PTPRD: variants seen among roughly 807,000 people sequenced by gnomAD.
PTPRD encodes the protein receptor-type tyrosine-protein phosphatase delta.
A neutral mutation model predicts 214.5 loss-of-function variants in PTPRD; 34 were observed. That is an observed-to-expected ratio of 0.16 (90% CI 0.12 to 0.21). The LOEUF is 0.21. PTPRD is among the 10% of genes least tolerant of loss of function. The pLI, the probability that PTPRD is intolerant of heterozygous loss-of-function variation, is 1.00. For synonymous variants in PTPRD, 1,128 were observed against 845.7 expected, an observed-to-expected ratio of 1.33 and a Z score of -5.79; for missense variants, 2,545 against 2,398.7, an observed-to-expected ratio of 1.06 and a Z score of -1.27.
At position 8,315,824 on chromosome 9, in the gene PTPRD, T is replaced by G. The variant is rs932169074; in HGVS notation, c.*2050A>C. On this transcript the variant is annotated 3_prime_UTR_variant, in exon 46 of 46. Coordinates refer to ENST00000381196, the MANE Select transcript of PTPRD (RefSeq NM_002839.4). ...GTAGTATACTCATACCAAAACTCTTTAAGAGTTCCTTGGGTATTTTGAGGA... is the reference window on the plus strand; with the variant it reads ...GTAGTATACTCATACCAAAACTCTTGAAGAGTTCCTTGGGTATTTTGAGGA... The G allele has an allele frequency of 1.4e-4, 32 of 225,886 alleles. No homozygotes were observed. Among genetic ancestry groups the G allele is most frequent in the Non-Finnish European group, 2.0e-4 (23 of 113,416 alleles). The allele number at this position is 225,886 out of a possible 1,614,324, so 14.0% of individuals were successfully genotyped here. A position where few individuals can be genotyped will look rare whatever the true frequency, so the allele number is the denominator to read the frequency against.
chr9:10,468,129 G>A (rs1285371130), intron 2 of PTPRD, among the ~76,000 whole-genome samples: 3 of 152,150 alleles, frequency 2.0e-5, no homozygotes, highest in African/African-American at 7.2e-5. Flanking sequence ...AATACCATTT[G>A]ACCCAGCCAT....
chr9:8,963,844 G>A (rs1236533544), intron 11 of PTPRD, among the ~76,000 whole-genome samples: 1 of 151,998 alleles, frequency 6.6e-6, no homozygotes, highest in Non-Finnish European at 1.5e-5. Flanking sequence ...AAATTCCTGG[G>A]TTCAAGGAGT....
chr9:9,404,204 A>T (rs1467182755), intron 8 of PTPRD, among the ~76,000 whole-genome samples: 1 of 152,114 alleles, frequency 6.6e-6, no homozygotes, highest in East Asian at 1.9e-4. Context: ...ATGCAAAGTC[A>T]TTGGAGGGTT....
intron 10 of PTPRD, among the ~76,000 whole-genome samples, chr9:9,091,563 T>C (rs2099775933): frequency 6.6e-6 from 1 of 152,184 alleles, no homozygotes; most frequent in South Asian, 2.1e-4. Flanking sequence ...AAACTCCTTT[T>C]CATAGTAATA....
At chr9:9,319,409 CT>C (rs1286341467) in intron 9 of PTPRD, among the ~76,000 whole-genome samples, 1 of 152,092 alleles carries the variant, frequency 6.6e-6, no homozygotes, top group African/African-American at 2.4e-5. Context: ...CTCAAACAAT[CT>C]TTAGTTGGCC....
At chr9:10,305,294 C>A (rs1596566989) in intron 3 of PTPRD, among the ~76,000 whole-genome samples, 1 of 144,194 alleles carries the variant, frequency 6.9e-6, no homozygotes, top group South Asian at 2.3e-4. Flanking sequence ...GACCTAAAAC[C>A]ATAAAAACCC....
chr9:8,661,682 T>C (rs997679932), intron 12 of PTPRD, among the ~76,000 whole-genome samples: 3 of 151,662 alleles, frequency 2.0e-5, no homozygotes, highest in African/African-American at 4.9e-5. Flanking sequence ...CTCTGCCATA[T>C]GCTGAGAAAA....
intron 3 of PTPRD, among the ~76,000 whole-genome samples, chr9:10,145,794 G>C (rs1374645168): frequency 1.3e-5 from 2 of 151,972 alleles, no homozygotes; most frequent in Non-Finnish European, 2.9e-5. Flanking sequence ...AGTATGATAT[G>C]ATATGCTTTA....
chr9:10,219,354 T>C (rs1033883300), intron 3 of PTPRD, among the ~76,000 whole-genome samples: 2 of 151,906 alleles, frequency 1.3e-5, no homozygotes, highest in African/African-American at 4.8e-5. Flanking sequence ...CCACACCTGC[T>C]CTTACAGAAA....
chr9:9,829,887 AT>A (rs1203541611), intron 5 of PTPRD, among the ~76,000 whole-genome samples: 1 of 151,728 alleles, frequency 6.6e-6, no homozygotes, highest in Non-Finnish European at 1.5e-5. Flanking sequence ...TGTTTATAAA[AT>A]TTTTGAGCCC....
chr9:9,108,856 G>A (rs1443495553), intron 10 of PTPRD, among the ~76,000 whole-genome samples: 5 of 152,092 alleles, frequency 3.3e-5, no homozygotes, highest in African/African-American at 9.7e-5. Context: ...GGGGAGCAAT[G>A]GAATGCAACT....
intron 34 of PTPRD, among the ~76,000 whole-genome samples, chr9:8,445,058 T>A (rs941754993): frequency 1.3e-5 from 2 of 152,176 alleles, no homozygotes; most frequent in Non-Finnish European, 2.9e-5. Context: ...AGTAAACTCC[T>A]CTACTACGTC....
At chr9:10,104,590 C>T (rs976286139) in intron 3 of PTPRD, among the ~76,000 whole-genome samples, 1 of 151,674 alleles carries the variant, frequency 6.6e-6, no homozygotes, top group Non-Finnish European at 1.5e-5. Context: ...TATGTCATTA[C>T]ATTAGAATGC....
intron 2 of PTPRD, among the ~76,000 whole-genome samples, chr9:10,449,649 C>G (rs564948303): frequency 0.02 from 3,004 of 150,900 alleles, 84 homozygotes; most frequent in African/African-American, 0.062. Context: ...TGCCCCGCCG[C>G]CCCGTCTGGG....
intron 11 of PTPRD, among the ~76,000 whole-genome samples, chr9:8,787,864 C>G (rs1173660548): frequency 6.6e-6 from 1 of 151,390 alleles, no homozygotes; most frequent in Non-Finnish European, 1.5e-5. Flanking sequence ...GATAATCTTG[C>G]TTACTATAAT....
chr9:8,714,810 C>T (rs1037090865), intron 12 of PTPRD, among the ~76,000 whole-genome samples: 1 of 152,130 alleles, frequency 6.6e-6, no homozygotes, highest in African/African-American at 2.4e-5. Flanking sequence ...TGGTCTTTCT[C>T]CCACCATAAT....
chr9:9,174,134 C>T (rs1166244235), intron 10 of PTPRD, among the ~76,000 whole-genome samples: 3 of 151,128 alleles, frequency 2.0e-5, no homozygotes, highest in Admixed American at 1.3e-4. Context: ...TACCATACAG[C>T]CCCCCCAAAT....
chr9:10,220,015 A>G (rs949128455), intron 3 of PTPRD, among the ~76,000 whole-genome samples: 12 of 151,906 alleles, frequency 7.9e-5, no homozygotes, highest in African/African-American at 2.7e-4. Flanking sequence ...AATCAAAATT[A>G]TAACAAGAAG....
chr9:9,679,498 T>C (rs932476582), intron 7 of PTPRD, among the ~76,000 whole-genome samples: 1 of 151,918 alleles, frequency 6.6e-6, no homozygotes, highest in Non-Finnish European at 1.5e-5. Context: ...TGTGAATTAA[T>C]CTTGCTGAAA....
Sources: allele counts gnomAD v4.1 joint callset (sites outside exome capture counted in the v4.1 genomes callset), GRCh38; gene constraint gnomAD v4.1.1; transcripts MANE v1.5; gene names NCBI Gene and HGNC (gene_info 2026-07-23, HGNC 2026-07-21).